Variants in SLC1A7 observed in about 807,000 individuals in gnomAD.
The protein encoded by SLC1A7 is excitatory amino acid transporter 5.
A neutral mutation model predicts 47.7 loss-of-function variants in SLC1A7; 40 were observed. The observed-to-expected ratio is 0.84, with a 90% confidence interval of 0.65 to 1.09. The LOEUF is 1.09. SLC1A7 is among the 50% of genes least tolerant of loss of function. The pLI, the probability that SLC1A7 is intolerant of heterozygous loss-of-function variation, is 0.00. For missense variants in SLC1A7, 746 were observed against 769.5 expected, an observed-to-expected ratio of 0.97 and a Z score of 0.36; for synonymous variants, 323 against 325.6, an observed-to-expected ratio of 0.99 and a Z score of 0.09.
chr1:53,100,797 C>T (rs1019875994), intron 5 of SLC1A7, among the ~76,000 whole-genome samples: 4 of 145,896 alleles, frequency 2.7e-5, no homozygotes, highest in African/African-American at 5.1e-5. Flanking sequence ...TGCTTCAGTA[C>T]GCTCACACAC....
chr1:53,124,003 C>G (rs1644853278), intron 2 of SLC1A7, among the ~76,000 whole-genome samples: 1 of 152,250 alleles, frequency 6.6e-6, no homozygotes, highest in African/African-American at 2.4e-5. Context: ...TGCTCACGGC[C>G]TGTCCTGGGG....
chr1:53,097,422 TCA>T (rs1224237237), intron 5 of SLC1A7, among the ~76,000 whole-genome samples: 1 of 120,216 alleles, frequency 8.3e-6, no homozygotes, highest in African/African-American at 3.1e-5. Context: ...CTTGGTACAA[TCA>T]CACACACCAC....
intron 5 of SLC1A7, among the ~76,000 whole-genome samples, chr1:53,097,882 A>T (rs570765396): frequency 2.1e-3 from 298 of 144,838 alleles, no homozygotes; most frequent in Non-Finnish European, 3.6e-3. Flanking sequence ...ACACTCACAC[A>T]CCCTTGCTTC....
rs149230192 is a variant in SLC1A7, at chr1:53,129,449, C to T, written c.215+4901G>A. Among the ~76,000 whole-genome samples the T allele has an allele frequency of 5.1e-4, 73 of 144,238 alleles. 1 individual carries two copies. The highest frequency in any genetic ancestry group is 1.8e-3 in the African/African-American group (69 of 39,344). 94.6% of individuals were successfully genotyped at this position (144,238 alleles called of 152,430 possible). A position where few individuals can be genotyped will look rare whatever the true frequency, so the allele number is the denominator to read the frequency against. On this transcript the variant is annotated intron_variant, in intron 2 of 10. Coordinates refer to ENST00000371494, the MANE Select transcript of SLC1A7 (RefSeq NM_006671.6). ...CCCCCGCCCATGCTTCCTGCTCCCC[C>T]GCCACATTGTGACAGATGAAGCCAC...
chr1:53,133,449 G>T (rs1334535280), intron 2 of SLC1A7, among the ~76,000 whole-genome samples: 1 of 152,132 alleles, frequency 6.6e-6, no homozygotes, highest in Non-Finnish European at 1.5e-5. Context: ...AAGGGGGGAG[G>T]TCCAAGGAGC....
chr1:53,093,830 C>T (rs1441875246), intron 5 of SLC1A7, among the ~76,000 whole-genome samples: 3 of 152,198 alleles, frequency 2.0e-5, no homozygotes, highest in Non-Finnish European at 4.4e-5. Context: ...CTTCGCTGTG[C>T]GCTTAGGCCA....
chr1:53,089,511 G>A (rs1644396083), intron 9 of SLC1A7, among the ~76,000 whole-genome samples: 1 of 152,216 alleles, frequency 6.6e-6, no homozygotes, highest in Non-Finnish European at 1.5e-5. Flanking sequence ...CTGGGCTCAA[G>A]GAATGCTCCT....
intron 4 of SLC1A7, among the ~76,000 whole-genome samples, chr1:53,104,948 G>C (rs1401056506): frequency 6.6e-6 from 1 of 152,198 alleles, no homozygotes; most frequent in East Asian, 1.9e-4. Context: ...ACACTGAAAG[G>C]GGGAGTGGGA....
chr1:53,139,676 C>T (rs1315906231), intron 1 of SLC1A7, among the ~76,000 whole-genome samples: 1 of 152,258 alleles, frequency 6.6e-6, no homozygotes, highest in Admixed American at 6.5e-5. Context: ...TCAACTTCCA[C>T]AGACTAAGAT....
intron 1 of SLC1A7, among the ~76,000 whole-genome samples, chr1:53,136,075 C>G (rs1034275292): frequency 5.9e-5 from 9 of 151,518 alleles, no homozygotes; most frequent in African/African-American, 1.9e-4. Context: ...AGCACAGGAC[C>G]AGGACTGCTA....
chr1:53,105,358 C>A (rs1010883067), intron 4 of SLC1A7, among the ~76,000 whole-genome samples: 1 of 152,138 alleles, frequency 6.6e-6, no homozygotes, highest in Admixed American at 6.5e-5. Flanking sequence ...AGTGGTATAA[C>A]CTTGGGCAAA....
At chr1:53,124,599 G>T (rs1433840924) in intron 2 of SLC1A7, among the ~76,000 whole-genome samples, 2 of 151,966 alleles carry the variant, frequency 1.3e-5, no homozygotes, top group African/African-American at 2.4e-5. Flanking sequence ...GAGGTGCAAA[G>T]TCTAGCCTCA....
At position 53,105,777 on chromosome 1, in the gene SLC1A7, A is replaced by G. The variant is rs1452016061; in HGVS notation, c.432-3T>C. On this transcript the variant is annotated splice_polypyrimidine_tract_variant and splice_region_variant and intron_variant, in intron 3 of 10. Coordinates refer to ENST00000371494, the MANE Select transcript of SLC1A7 (RefSeq NM_006671.6). The stretch of plus-strand genomic sequence containing the variant: ...CTAGGTTGGCTGGGAACATGTTCCT[A>G]GGAAGAGAATCAGCAATTGAAAAAT... The G allele has an allele frequency of 3.7e-6, 6 of 1,613,098 alleles. No homozygotes were observed. The highest frequency in any genetic ancestry group is 1.3e-5 in the African/African-American group (1 of 74,818).
At position 53,090,722 on chromosome 1, in the gene SLC1A7, C is replaced by T; in HGVS notation, c.1116G>A (p.Val372=). 1 of 1,614,034 alleles carries T rather than the reference C, an allele frequency of 6.2e-7. No homozygotes were observed. Among genetic ancestry groups the T allele is most frequent in the East Asian group, 2.2e-5 (1 of 44,870 alleles). The change falls in exon 8 of 11, where the codon GTG becomes GTA. Residue 372 remains valine (V), a synonymous_variant. Coordinates refer to ENST00000371494, the MANE Select transcript of SLC1A7 (RefSeq NM_006671.6). ...TGCCGTCCATGTTGATGGTGGCACCCACGGGCAGCACGAAGCGAGCGATGC... is the reference window on the plus strand; with the variant it reads ...TGCCGTCCATGTTGATGGTGGCACCTACGGGCAGCACGAAGCGAGCGATGC... ...DRRIARFVLP[V]GATINMDGTA...
chr1:53,113,787 C>T (rs1012558448), intron 3 of SLC1A7, among the ~76,000 whole-genome samples: 1 of 152,138 alleles, frequency 6.6e-6, no homozygotes, highest in East Asian at 1.9e-4. Context: ...AGGCCGGTCC[C>T]CACCTGAATT....
In SLC1A7 at chr1:53,134,303, C is replaced by T. The variant is rs540236603; in HGVS notation, c.215+47G>A. The T allele has an allele frequency of 1.8e-5, 25 of 1,419,118 alleles. No homozygotes were observed. In the South Asian group the frequency reaches 2.7e-4, roughly 16 times the overall value. 87.9% of individuals were successfully genotyped at this position (1,419,118 alleles called of 1,614,324 possible). ...GAGCAGGGCAGCAACAGAAGCCATC[C>T]TCTACCCTCCTGGTTCCGGACCACC... On this transcript the variant is annotated intron_variant, in intron 2 of 10. Coordinates refer to ENST00000371494, the MANE Select transcript of SLC1A7 (RefSeq NM_006671.6).
chr1:53,099,516 A>T (rs1285316181), intron 5 of SLC1A7, among the ~76,000 whole-genome samples: 1 of 117,614 alleles, frequency 8.5e-6, no homozygotes, highest in Admixed American at 8.2e-5. Flanking sequence ...CACTCACACC[A>T]CCTTGGTACA....
intron 3 of SLC1A7, among the ~76,000 whole-genome samples, chr1:53,112,447 G>T (rs1216792924): frequency 6.6e-6 from 1 of 152,222 alleles, no homozygotes; most frequent in Non-Finnish European, 1.5e-5. Flanking sequence ...GTTGTTTTAA[G>T]CTGATAAATG....
intron 2 of SLC1A7, chr1:53,115,383 G>T: frequency 4.6e-6 from 1 of 215,328 alleles, no homozygotes; most frequent in South Asian, 8.5e-5. Flanking sequence ...GCAGGACCAA[G>T]CTTGGTCTAC....
Sources: allele counts gnomAD v4.1 joint callset (sites outside exome capture counted in the v4.1 genomes callset), GRCh38; gene constraint gnomAD v4.1.1; transcripts MANE v1.5; gene names NCBI Gene and HGNC (gene_info 2026-07-23, HGNC 2026-07-21).